Variants in CEP135 observed in about 807,000 individuals in gnomAD.
The protein encoded by CEP135 is centrosomal protein of 135 kDa.
Under a neutral mutation model 157.3 loss-of-function variants are expected in CEP135, and 142 were observed. The observed-to-expected ratio is 0.90, with a 90% CI of 0.79 to 1.04. The LOEUF (loss-of-function observed/expected upper bound fraction) is 1.04. CEP135 is among the 50% of genes least tolerant of loss of function. CEP135 has a pLI of 0.00. For missense variants in CEP135, 1,317 were observed against 1,309.2 expected, an observed-to-expected ratio of 1.01 and a Z score of -0.09; for synonymous variants, 396 against 439.8, an observed-to-expected ratio of 0.90 and a Z score of 1.25.
chr4:55,953,482 A>C (rs1363975802), intron 3 of CEP135, among the ~76,000 whole-genome samples: 1 of 152,108 alleles, frequency 6.6e-6, no homozygotes, highest in Non-Finnish European at 1.5e-5. Flanking sequence ...CCTAGGCAAC[A>C]TAGTGAGAAC....
In CEP135 at chr4:56,025,404, A is replaced by G. The variant is rs563188926; in HGVS notation, c.*11+790A>G. Among the ~76,000 whole-genome samples, 4 of 152,358 alleles carry G rather than the reference A, an allele frequency of 2.6e-5. No homozygotes were observed. In the South Asian group the frequency reaches 8.3e-4, roughly 32 times the overall value. On this transcript the variant is annotated intron_variant, in intron 25 of 25. Transcript: ENST00000257287. ...ATTCAGGCTACAAATAATAGGTAGT[A>G]AAAATGTAGACAAAGCATAGAAACA... is the stretch of plus-strand genomic sequence containing the variant.
intron 11 of CEP135, among the ~76,000 whole-genome samples, chr4:55,976,205 G>A (rs1398358924): frequency 6.7e-6 from 1 of 149,672 alleles, no homozygotes; most frequent in Non-Finnish European, 1.5e-5. Flanking sequence ...AGTGAGCCAT[G>A]ATCTCGTCAC....
At chr4:55,985,697 G>A (rs941421642) in intron 14 of CEP135, among the ~76,000 whole-genome samples, 2 of 151,990 alleles carry the variant, frequency 1.3e-5, no homozygotes, top group African/African-American at 4.8e-5. Context: ...ACCTGACATC[G>A]TGATCTGCCC....
chr4:56,003,330 C>T lies in CEP135; in HGVS notation c.2280+3685C>T, dbSNP rs552480700. Among the ~76,000 whole-genome samples, 8 of 151,692 alleles carry T rather than the reference C, an allele frequency of 5.3e-5. No homozygotes were observed. In the East Asian group the frequency reaches 9.7e-4, roughly 18 times the overall value. On this transcript the variant is annotated intron_variant, in intron 17 of 25. Transcript: ENST00000257287. ...ACGCCATTCTCCTGCCTCAGCCTCC[C>T]GAGTAGCTGGGACTGTAGGTGCCCA...
intron 10 of CEP135, among the ~76,000 whole-genome samples, chr4:55,973,834 C>T (rs1389627334): frequency 6.6e-6 from 1 of 152,188 alleles, no homozygotes; most frequent in Admixed American, 6.5e-5. Context: ...ATCTCTTCAA[C>T]AAAACTGCTC....
intron 17 of CEP135, among the ~76,000 whole-genome samples, chr4:56,007,607 G>A (rs1287017782): frequency 6.6e-6 from 1 of 152,216 alleles, no homozygotes. Context: ...GATGTTTCCT[G>A]TGTGTTGAGG....
intron 23 of CEP135, among the ~76,000 whole-genome samples, chr4:56,020,397 A>G (rs1215581341): frequency 2.6e-5 from 4 of 152,230 alleles, no homozygotes; most frequent in Admixed American, 6.5e-5. Context: ...GAGTCAAGAA[A>G]GAGCCAATGA....
chr4:55,952,202 T>G lies in CEP135; in HGVS notation c.72T>G (p.Thr24=). 1 of 1,613,282 alleles carries G rather than the reference T, an allele frequency of 6.2e-7. No homozygotes were observed. ...TGGATCAGCTGGGATACCGCCAGAC[T>G]CTGACAGTGGAGTGTTTACCTTTGG... ...KRLDQLGYRQ[T]LTVECLPLVE... The change falls in exon 2 of 26, where the codon ACT becomes ACG. Residue 24 remains threonine (T), a synonymous_variant. Transcript: ENST00000257287.
At chr4:55,981,864 A>G (rs995049919) in intron 13 of CEP135, among the ~76,000 whole-genome samples, 4 of 152,078 alleles carry the variant, frequency 2.6e-5, no homozygotes, top group Non-Finnish European at 4.4e-5. Flanking sequence ...TGTAAGTCGG[A>G]AAAAATGCAT....
At chr4:55,996,971 C>A (rs1729991694) in intron 15 of CEP135, among the ~76,000 whole-genome samples, 1 of 152,184 alleles carries the variant, frequency 6.6e-6, no homozygotes, top group African/African-American at 2.4e-5. Flanking sequence ...TACCCAGTCA[C>A]ATCTGCTAAG....
Position 56,011,540 on chromosome 4 carries a change from G to A in CEP135, c.2616+18G>A, listed in dbSNP as rs1376651494. The A allele has an allele frequency of 6.5e-7, 1 of 1,545,712 alleles. No individual in the cohort carries two copies. Among genetic ancestry groups the A allele is most frequent in the African/African-American group, 1.4e-5 (1 of 71,968 alleles). On this transcript the variant is annotated intron_variant, in intron 20 of 25. Transcript: ENST00000257287. ...CTGCCAAGGTGAAAAATATTATTTAGGTTGGATTTAAGACTGAGGTTTTTT... is the reference window on the plus strand; with the variant it reads ...CTGCCAAGGTGAAAAATATTATTTAAGTTGGATTTAAGACTGAGGTTTTTT...
At chr4:55,995,318 G>C (rs574078015) in intron 15 of CEP135, among the ~76,000 whole-genome samples, 1 of 152,082 alleles carries the variant, frequency 6.6e-6, no homozygotes, top group African/African-American at 2.4e-5. Flanking sequence ...GTATTTTGTT[G>C]TTGTCTGTTT....
chr4:56,016,845 G>A (rs1490859499), intron 21 of CEP135, among the ~76,000 whole-genome samples: 1 of 151,826 alleles, frequency 6.6e-6, no homozygotes. Flanking sequence ...GCTAATTTTT[G>A]TATTTTTTGG....
chr4:56,017,597 A>C, intron 21 of CEP135, 51 bp from the exon 22 acceptor site: 1 of 1,457,724 alleles, frequency 6.9e-7, no homozygotes, highest in Non-Finnish European at 9.2e-7. Context: ...TCAAGTTCTT[A>C]AAATTATTGG....
intron 10 of CEP135, among the ~76,000 whole-genome samples, chr4:55,972,896 G>A (rs941965750): frequency 1.3e-5 from 2 of 152,114 alleles, no homozygotes; most frequent in African/African-American, 4.8e-5. Flanking sequence ...GCTGGGCGTG[G>A]TGGTGGGTGC....
At chr4:55,963,758 A>G (rs1464817575) in intron 6 of CEP135, among the ~76,000 whole-genome samples, 1 of 152,198 alleles carries the variant, frequency 6.6e-6, no homozygotes, top group Non-Finnish European at 1.5e-5. Context: ...AAAGAAAAAG[A>G]AAAAGCCAAA....
chr4:55,969,798 TACTTGAAATATTTGTTGATTA>T (rs1236888112), intron 9 of CEP135, among the ~76,000 whole-genome samples: 2 of 152,222 alleles, frequency 1.3e-5, no homozygotes, highest in Admixed American at 1.3e-4. Context: ...AGGAGTTAAT[TACTTGAAATATTTGTTGATTA>T]ACTTGAAATA....
At chr4:55,978,706 A>C (rs768742775) in intron 11 of CEP135, among the ~76,000 whole-genome samples, 16 of 152,118 alleles carry the variant, frequency 1.1e-4, no homozygotes, top group Non-Finnish European at 2.1e-4. Flanking sequence ...GTGCACCACT[A>C]TGCCTGGCTA....
intron 9 of CEP135, among the ~76,000 whole-genome samples, chr4:55,970,178 T>G (rs1414637177): frequency 1.3e-5 from 2 of 152,106 alleles, no homozygotes; most frequent in East Asian, 1.9e-4. Context: ...AGCCCAGTCC[T>G]CTTTTAATAG....
Sources: allele counts gnomAD v4.1 joint callset (sites outside exome capture counted in the v4.1 genomes callset), GRCh38; gene constraint gnomAD v4.1.1; transcripts MANE v1.5; gene names NCBI Gene and HGNC (gene_info 2026-07-23, HGNC 2026-07-21).